The following CSPP1 variants were observed in gnomAD, a reference collection of about 807,000 sequenced individuals.
CSPP1 encodes centrosome and spindle pole-associated protein 1.
CSPP1 carries 126 observed loss-of-function variants against 164.4 expected under a neutral mutation model. The ratio of observed to expected loss-of-function variants is 0.77; its 90% CI spans 0.66 to 0.89. CSPP1 has a LOEUF of 0.89. Among genes scored for constraint, CSPP1 ranks in the 40% least tolerant of loss-of-function variants. The pLI is 0.00. For synonymous variants in CSPP1, 472 were observed against 476.7 expected, an observed-to-expected ratio of 0.99 and a Z score of 0.13; for missense variants, 1,395 against 1,449.8, an observed-to-expected ratio of 0.96 and a Z score of 0.61.
intron 1 of CSPP1, among the ~76,000 whole-genome samples, chr8:67,066,211 T>A (rs1312467674): frequency 1.3e-5 from 2 of 152,156 alleles, no homozygotes; most frequent in Non-Finnish European, 2.9e-5. Context: ...TCCCTCTCTT[T>A]CCCCCAGCAA....
chr8:67,186,918 A>G (rs928738033), intron 28 of CSPP1, among the ~76,000 whole-genome samples: 4 of 152,174 alleles, frequency 2.6e-5, no homozygotes, highest in African/African-American at 9.7e-5. Context: ...AAAACACAAT[A>G]CCACTTACAT....
In CSPP1 at chr8:67,172,541, A is replaced by G; in HGVS notation, c.2954A>G (p.Glu985Gly). 1.2e-6 allele frequency: 2 copies of G among 1,613,214 alleles called. No homozygotes were observed. The highest frequency in any genetic ancestry group is 1.7e-6 in the Non-Finnish European group (2 of 1,179,504). Residue 985 changes from glutamate (E) to glycine (G), a missense_variant, in exon 25 of 31, where the codon GAG becomes GGG. By Grantham distance (98) the Glu-to-Gly change is moderately conservative. Transcript: ENST00000678616. ...ATFQNVHDFN[E>G]LKDRDSETRV... Reference sequence around the variant, plus strand: ...TTTCAGAATGTTCATGATTTTAATGAGCTGAAAGATAGAGGTGAGTAGATT... The same window carrying G: ...TTTCAGAATGTTCATGATTTTAATGGGCTGAAAGATAGAGGTGAGTAGATT...
intron 1 of CSPP1, among the ~76,000 whole-genome samples, chr8:67,069,856 C>T (rs960356997): frequency 1.3e-5 from 2 of 151,940 alleles, no homozygotes; most frequent in South Asian, 2.1e-4. Flanking sequence ...GACGGGGTTT[C>T]GCCATATTGG....
chr8:67,070,735 A>G (rs1585801422), intron 1 of CSPP1, among the ~76,000 whole-genome samples: 2 of 149,422 alleles, frequency 1.3e-5, no homozygotes, highest in African/African-American at 2.4e-5. Flanking sequence ...ATATATATAT[A>G]TATATATTTC....
chr8:67,117,323 TC>T (rs759648549), intron 13 of CSPP1, among the ~76,000 whole-genome samples: 10 of 152,182 alleles, frequency 6.6e-5, no homozygotes, highest in Admixed American at 3.9e-4. Flanking sequence ...GAAGAGAACT[TC>T]CGTACCTTCT....
intron 28 of CSPP1, among the ~76,000 whole-genome samples, chr8:67,188,584 C>T (rs1453333776): frequency 1.3e-5 from 2 of 152,194 alleles, no homozygotes; most frequent in Admixed American, 6.5e-5. Flanking sequence ...TATTTTCATT[C>T]TATTAAATCT....
rs150477742 is a variant in CSPP1 at position 67,124,442 on chromosome 8, C to T, written c.1697+5621C>T. Among the ~76,000 whole-genome samples the T allele has an allele frequency of 1.9e-4, 29 of 152,238 alleles. No individual in the cohort carries two copies. The East Asian group carries it at 5.6e-3, about 29-fold the overall frequency. On this transcript the variant is annotated intron_variant, in intron 15 of 30. Transcript: ENST00000678616. ...TTGTCATACAAATCACACTATTATA[C>T]ATTTAAGTCTCTCAACACAGTTTTA... is the stretch of plus-strand genomic sequence containing the variant.
chr8:67,079,826 C>G (rs1209874665), intron 3 of CSPP1, among the ~76,000 whole-genome samples: 2 of 152,322 alleles, frequency 1.3e-5, no homozygotes, highest in East Asian at 3.9e-4. Flanking sequence ...CAACTTGCAT[C>G]CCGTTGTATT....
At chr8:67,193,820 G>A (rs1433833339) in intron 30 of CSPP1, among the ~76,000 whole-genome samples, 1 of 152,182 alleles carries the variant, frequency 6.6e-6, no homozygotes, top group East Asian at 1.9e-4. Flanking sequence ...TTTTAGAGTG[G>A]AGTCTAAACA....
intron 22 of CSPP1, among the ~76,000 whole-genome samples, chr8:67,162,706 A>G (rs1229880039): frequency 6.6e-6 from 1 of 152,200 alleles, no homozygotes; most frequent in Non-Finnish European, 1.5e-5. Flanking sequence ...CTTTTGCACA[A>G]GTCCAGATGT....
chr8:67,099,127 C>G (rs1292470987), intron 7 of CSPP1, among the ~76,000 whole-genome samples: 1 of 147,768 alleles, frequency 6.8e-6, no homozygotes, highest in Non-Finnish European at 1.5e-5. Context: ...TTTAAAATAC[C>G]TTTTTTTTTT....
chr8:67,184,694 A>G (rs1391188197), intron 28 of CSPP1, among the ~76,000 whole-genome samples: 2 of 151,788 alleles, frequency 1.3e-5, no homozygotes, highest in African/African-American at 4.8e-5. Flanking sequence ...ACTGCACTCC[A>G]GCCTGCATGA....
chr8:67,152,233 A>G (rs1401001311), intron 18 of CSPP1, among the ~76,000 whole-genome samples: 1 of 152,188 alleles, frequency 6.6e-6, no homozygotes, highest in Non-Finnish European at 1.5e-5. Flanking sequence ...AGACACACAT[A>G]TCTTTGCATA....
Position 67,118,740 on chromosome 8 carries a change from A to G in CSPP1, c.1619-3A>G. 6.3e-7 allele frequency: 1 copy of G among 1,593,546 alleles called. No individual in the cohort carries two copies. The highest frequency in any genetic ancestry group is 8.6e-7 in the Non-Finnish European group (1 of 1,168,490). On this transcript the variant is annotated splice_region_variant and splice_polypyrimidine_tract_variant and intron_variant, in intron 14 of 30. Transcript: ENST00000678616. ...TTTTTTGTTTTTTTGTTTTTTCTTT[A>G]AGATGGTTCAGGAATGATGGGCGTA...
intron 2 of CSPP1, chr8:67,074,854 C>T (rs1219415268): frequency 2.5e-5 from 6 of 237,024 alleles, no homozygotes; most frequent in Admixed American, 5.6e-5. Flanking sequence ...GATCTCAGCT[C>T]GCCACAACCT....
chr8:67,093,809 T>G (rs142241459), intron 6 of CSPP1, among the ~76,000 whole-genome samples, 168 bp downstream of exon 6: 1 of 152,164 alleles, frequency 6.6e-6, no homozygotes, highest in Non-Finnish European at 1.5e-5. Flanking sequence ...GTTTTGGAAG[T>G]TATTTTATCT....
intron 5 of CSPP1, among the ~76,000 whole-genome samples, chr8:67,092,732 C>T (rs1465385734): frequency 3.3e-5 from 5 of 152,102 alleles, no homozygotes; most frequent in East Asian, 1.9e-4. Flanking sequence ...CGTGAGCCAC[C>T]GCTCCCAGCT....
At chr8:67,106,370 T>C (rs988402081) in intron 9 of CSPP1, among the ~76,000 whole-genome samples, 1 of 152,132 alleles carries the variant, frequency 6.6e-6, no homozygotes, top group Non-Finnish European at 1.5e-5. Flanking sequence ...TAGCACTCTG[T>C]TGCAGTGTGG....
At chr8:67,102,804 A>G (rs189289414) in intron 7 of CSPP1, among the ~76,000 whole-genome samples, 5 of 152,348 alleles carry the variant, frequency 3.3e-5, no homozygotes, top group Admixed American at 6.5e-5. Flanking sequence ...TATAGCAAGT[A>G]CATTAAAATA....
Sources: allele counts gnomAD v4.1 joint callset (sites outside exome capture counted in the v4.1 genomes callset), GRCh38; gene constraint gnomAD v4.1.1; transcripts MANE v1.5; gene names NCBI Gene and HGNC (gene_info 2026-07-23, HGNC 2026-07-21).